Variants in APP observed in about 807,000 individuals in gnomAD.
The protein encoded by APP is amyloid beta precursor protein, also known as amyloid-beta precursor protein.
In APP, 31 loss-of-function variants were observed where a neutral mutation model predicts 101.4. That is an observed-to-expected ratio of 0.31 (90% CI 0.23 to 0.41). The LOEUF is 0.41. APP is among the 10% of genes least tolerant of loss of function. APP has a pLI of 1.00. For missense variants in APP, 839 were observed against 1,003.7 expected (o/e 0.84, Z 2.22); for synonymous variants, 366 against 364.4 (o/e 1.00, Z -0.05).
chr21:26,105,142 G>A (rs377488644), intron 2 of APP, among the ~76,000 whole-genome samples: 3 of 150,418 alleles, frequency 2.0e-5, no homozygotes, highest in African/African-American at 7.3e-5. Flanking sequence ...TTTTCATGGT[G>A]CTGAATCAAA....
rs201031674 is a variant in APP at position 25,954,597 on chromosome 21, A to T, written c.1680T>A (p.Asp560Glu). ...AAAGAACAGCTTACTTACCAACTTCATCCTGAATCTCCTCGGCCACTGCAG... is the reference window on the plus strand; with the variant it reads ...AAAGAACAGCTTACTTACCAACTTCTTCCTGAATCTCCTCGGCCACTGCAG... ...NVPAVAEEIQDEVDELLQKEQ... is the reference protein window; with the variant it reads ...NVPAVAEEIQEEVDELLQKEQ... The change falls in exon 13 of 18, where the codon GAT (aspartate) becomes GAA (glutamate). Residue 560 changes from aspartate (D) to glutamate (E), a missense_variant. Asp to Glu is a conservative substitution (Grantham distance 45). Transcript: ENST00000346798. The T allele has an allele frequency of 9.9e-6, 16 of 1,613,132 alleles. No homozygotes were observed. In the Admixed American group the frequency reaches 1.5e-4, roughly 15 times the overall value.
chr21:26,161,485 C>T (rs1218322811), intron 1 of APP, among the ~76,000 whole-genome samples: 1 of 152,142 alleles, frequency 6.6e-6, no homozygotes, highest in African/African-American at 2.4e-5. Flanking sequence ...GGGGCAAGGA[C>T]CTCGAAAATA....
chr21:25,890,517 G>A (rs902753519), intron 17 of APP, among the ~76,000 whole-genome samples: 3 of 152,126 alleles, frequency 2.0e-5, no homozygotes, highest in Admixed American at 6.6e-5. Context: ...AAGGCGGGTG[G>A]ATCACCTGAG....
rs573584712 is a variant in APP at position 25,891,613 on chromosome 21, C to G, written c.2211+109G>C. On this transcript the variant is annotated intron_variant, in intron 17 of 17. Transcript: ENST00000346798. ...GTAACCCAAGCATCATGGAAGCACA[C>G]TGATTCGTTTTTTAAAAGAGATACT... 8.5e-4 allele frequency: 940 copies of G among 1,103,064 alleles called. 3 individuals carry two copies. Among genetic ancestry groups the G allele is most frequent in the Middle Eastern group, 3.5e-3 (18 of 5,078 alleles). 68.3% of individuals were successfully genotyped at this position (1,103,064 alleles called of 1,614,324 possible). A position where few individuals can be genotyped will look rare whatever the true frequency, so the allele number is the denominator to read the frequency against.
chr21:26,034,976 G>A lies in APP; in HGVS notation c.663-12934C>T, dbSNP rs541604045. 2.6e-5 allele frequency among the ~76,000 whole-genome samples: 4 copies of A among 152,012 alleles called. No individual in the cohort carries two copies. In the East Asian group the frequency reaches 5.9e-4, roughly 22 times the overall value. On this transcript the variant is annotated intron_variant, in intron 5 of 17. Transcript: ENST00000346798. ...CTAGGATTGAGAATAATGAAGAAGGGGTGTTTTCTTCAGAAAAGAATGATC... is the reference window on the plus strand; with the variant it reads ...CTAGGATTGAGAATAATGAAGAAGGAGTGTTTTCTTCAGAAAAGAATGATC...
intron 3 of APP, among the ~76,000 whole-genome samples, chr21:26,065,397 A>G (rs1296633525): frequency 6.6e-6 from 1 of 152,260 alleles, no homozygotes; most frequent in Non-Finnish European, 1.5e-5. Flanking sequence ...GGTATCTATT[A>G]ATAACTAGAC....
At chr21:26,022,175 G>A (rs975056609) in intron 5 of APP, 133 bp from the exon 6 acceptor site, 3 of 1,099,376 alleles carry the variant, frequency 2.7e-6, no homozygotes, top group Non-Finnish European at 4.1e-6. Context: ...GCAGGTCTAA[G>A]TATAAATCCC....
chr21:26,023,732 A>C (rs1168274483), intron 5 of APP, among the ~76,000 whole-genome samples: 1 of 152,250 alleles, frequency 6.6e-6, no homozygotes, highest in Admixed American at 6.5e-5. Flanking sequence ...ACAGATCACC[A>C]GGTGCCTGTG....
chr21:26,142,142 T>G (rs2063059622), intron 1 of APP, among the ~76,000 whole-genome samples: 2 of 152,222 alleles, frequency 1.3e-5, no homozygotes, highest in Admixed American at 1.3e-4. Context: ...ATAACGCTGC[T>G]GTCTCATGGC....
chr21:26,066,175 G>A (rs1185717693), intron 3 of APP, among the ~76,000 whole-genome samples: 1 of 152,162 alleles, frequency 6.6e-6, no homozygotes, highest in Admixed American at 6.5e-5. Flanking sequence ...AGTCTAGGGT[G>A]GGACTGAGTC....
At chr21:26,075,080 T>C (rs1434828959) in intron 3 of APP, among the ~76,000 whole-genome samples, 1 of 152,210 alleles carries the variant, frequency 6.6e-6, no homozygotes, top group Non-Finnish European at 1.5e-5. Flanking sequence ...GCATGTGAAA[T>C]TGCTGCTCCA....
chr21:26,034,066 G>C (rs539084335), intron 5 of APP, among the ~76,000 whole-genome samples: 1 of 152,262 alleles, frequency 6.6e-6, no homozygotes, highest in African/African-American at 2.4e-5. Flanking sequence ...TAAATAAACA[G>C]TGCTGCACTT....
At chr21:25,900,251 T>A (rs1040103862) in intron 15 of APP, among the ~76,000 whole-genome samples, 1 of 151,900 alleles carries the variant, frequency 6.6e-6, no homozygotes, top group Non-Finnish European at 1.5e-5. Context: ...TCTGGCAACG[T>A]GCCAAGCACG....
intron 6 of APP, among the ~76,000 whole-genome samples, chr21:26,011,206 G>A (rs1483340048): frequency 1.3e-5 from 2 of 152,036 alleles, no homozygotes; most frequent in Non-Finnish European, 2.9e-5. Flanking sequence ...CTCCCAAGTA[G>A]CTGGGATTAT....
intron 8 of APP, among the ~76,000 whole-genome samples, chr21:25,985,935 A>G (rs942356097): frequency 2.0e-5 from 3 of 152,320 alleles, no homozygotes; most frequent in Middle Eastern, 3.4e-3. Flanking sequence ...ATATGCTGAT[A>G]TTGTTAAATG....
In APP at chr21:26,163,239, CAAAAAAAAAAAAAAA is replaced by C. The variant is rs58816061; in HGVS notation, c.57+7310_57+7324del. ...TGGGTGACACAGTAAAACTCAGTCT[CAAAAAAAAAAAAAAA>C]AAAAAAAAAAAAAATCACCAAAAAA... On this transcript the variant is annotated intron_variant, in intron 1 of 17. Transcript: ENST00000346798. Among the ~76,000 whole-genome samples, 7 of 58,830 alleles carry C rather than the reference CAAAAAAAAAAAAAAA, an allele frequency of 1.2e-4. No homozygotes were observed. The South Asian group carries it at 2.6e-3, about 22-fold the overall frequency. The allele number at this position is 58,830 out of a possible 152,430, so 38.6% of individuals were successfully genotyped here.
intron 3 of APP, among the ~76,000 whole-genome samples, chr21:26,060,906 G>C (rs1248804938): frequency 6.6e-6 from 1 of 152,202 alleles, no homozygotes; most frequent in African/African-American, 2.4e-5. Flanking sequence ...AGCCAGGACA[G>C]GACAGGGACA....
At chr21:26,116,592 G>A (rs2062440448) in intron 1 of APP, among the ~76,000 whole-genome samples, 1 of 152,092 alleles carries the variant, frequency 6.6e-6, no homozygotes, top group Non-Finnish European at 1.5e-5. Flanking sequence ...TCCTTATAGA[G>A]CAGGCTTGGC....
intron 2 of APP, among the ~76,000 whole-genome samples, chr21:26,098,028 C>T (rs45557932): frequency 0.026 from 3,613 of 140,772 alleles, 160 homozygotes; most frequent in African/African-American, 0.091. Context: ...TGCAGTGAGC[C>T]GAGATCGCGC....
Sources: gnomAD v4.1 joint callset for allele counts (sites outside exome capture counted in the v4.1 genomes callset) on GRCh38, gnomAD v4.1.1 for gene constraint, MANE v1.5 for transcripts, NCBI Gene and HGNC (gene_info 2026-07-23, HGNC 2026-07-21) for gene names.